The following TCF12 variants were observed in gnomAD, a reference collection of about 807,000 sequenced individuals.
TCF12 encodes the protein transcription factor 12.
Under a neutral mutation model 86.0 loss-of-function variants are expected in TCF12, and 45 were observed. The observed-to-expected ratio is 0.52, with a 90% CI of 0.41 to 0.67. TCF12 has a LOEUF of 0.67. Among genes scored for constraint, TCF12 ranks in the 30% least tolerant of loss-of-function variants. TCF12 has a pLI of 0.00. For missense variants in TCF12, 881 were observed against 859.9 expected, an observed-to-expected ratio of 1.02 and a Z score of -0.31; for synonymous variants, 330 against 299.6, an observed-to-expected ratio of 1.10 and a Z score of -1.05.
chr15:57,249,183 A>G (rs1178885336), intron 13 of TCF12, among the ~76,000 whole-genome samples: 1 of 152,208 alleles, frequency 6.6e-6, no homozygotes, highest in Non-Finnish European at 1.5e-5. Flanking sequence ...CACTGAAATC[A>G]GCAGTAAGGT....
chr15:57,119,918 G>A (rs1433969008), intron 5 of TCF12, among the ~76,000 whole-genome samples: 1 of 152,156 alleles, frequency 6.6e-6, no homozygotes, highest in African/African-American at 2.4e-5. Flanking sequence ...GCTAAATGCA[G>A]GGTATTCAAA....
intron 6 of TCF12, among the ~76,000 whole-genome samples, chr15:57,175,383 T>C (rs2055837495): frequency 6.6e-6 from 1 of 152,072 alleles, no homozygotes; most frequent in African/African-American, 2.4e-5. Context: ...CCTACAACTC[T>C]GTAAGGTTAG....
intron 5 of TCF12, among the ~76,000 whole-genome samples, chr15:57,104,427 T>TTTTTTTTC (rs1321521150): frequency 1.2e-5 from 1 of 83,954 alleles, no homozygotes; most frequent in Non-Finnish European, 2.5e-5. Flanking sequence ...AGAATAAATT[T>TTTTTTTTC]TTTTTTTCTT....
intron 5 of TCF12, among the ~76,000 whole-genome samples, chr15:57,164,454 T>C (rs1403656910): frequency 3.3e-5 from 5 of 152,044 alleles, no homozygotes; most frequent in Non-Finnish European, 5.9e-5. Flanking sequence ...CAAGGAGAAG[T>C]ACCGAGCAAA....
At chr15:56,998,048 C>G (rs984867611) in intron 3 of TCF12, among the ~76,000 whole-genome samples, 2 of 152,056 alleles carry the variant, frequency 1.3e-5, no homozygotes, top group African/African-American at 4.8e-5. Flanking sequence ...ATAGATGAAG[C>G]AAAATCTGAT....
At chr15:56,975,633 T>G (rs74018446) in intron 3 of TCF12, among the ~76,000 whole-genome samples, 7,392 of 139,838 alleles carry the variant, frequency 0.053, 376 homozygotes, top group African/African-American at 0.15. Flanking sequence ...AAACTAGGGG[T>G]TTTTTTTGTT....
At chr15:57,074,083 A>G (rs1304866644) in intron 4 of TCF12, among the ~76,000 whole-genome samples, 3 of 152,064 alleles carry the variant, frequency 2.0e-5, no homozygotes, top group African/African-American at 7.2e-5. Flanking sequence ...CTGCCATCTT[A>G]CTTCTTATAA....
intron 3 of TCF12, among the ~76,000 whole-genome samples, chr15:57,029,932 G>T (rs1384086896): frequency 6.6e-6 from 1 of 152,170 alleles, no homozygotes; most frequent in Admixed American, 6.5e-5. Context: ...TTATTGCTGA[G>T]TGGTGTTACG....
At position 57,091,891 on chromosome 15, in the gene TCF12, G is replaced by A; in HGVS notation, c.325G>A (p.Gly109Arg). Residue 109 changes from glycine to arginine, a missense_variant and splice_region_variant, in exon 5 of 21, where the codon GGA (glycine) becomes AGA (arginine). By Grantham distance (125) the Gly-to-Arg change is moderately radical (BLOSUM62 -2). Around this residue, in one of 3 missense-constraint regions of TCF12, gnomAD observed 766 missense variants for 718.9 expected, o/e 1.07. Coordinates refer to ENST00000333725, the MANE Select transcript of TCF12 (RefSeq NM_207037.2). ...ACCTTTCATGAACTCAAATCTGATG[G>A]GTAAGTTGGTAATTCTCTGCAAGTA... is the stretch of plus-strand genomic sequence containing the variant. ...PTPFMNSNLM[G>R]KTSERGSFSL... The A allele has an allele frequency of 1.2e-6, 2 of 1,611,862 alleles. No individual in the cohort carries two copies. Among genetic ancestry groups the A allele is most frequent in the Non-Finnish European group, 8.5e-7 (1 of 1,178,154 alleles).
intron 3 of TCF12, among the ~76,000 whole-genome samples, chr15:56,933,328 A>G (rs2060327825): frequency 6.6e-6 from 1 of 152,178 alleles, no homozygotes; most frequent in Non-Finnish European, 1.5e-5. Flanking sequence ...AGATTAGTTC[A>G]TTTTGTATTT....
chr15:57,196,383 G>A (rs116765860), intron 7 of TCF12, among the ~76,000 whole-genome samples: 1,757 of 152,262 alleles, frequency 0.012, 31 homozygotes, highest in African/African-American at 0.04. Flanking sequence ...TAAAGGACTT[G>A]AGCATCTGTG....
At chr15:57,163,138 C>T (rs1436420892) in intron 5 of TCF12, among the ~76,000 whole-genome samples, 1 of 151,718 alleles carries the variant, frequency 6.6e-6, no homozygotes, top group Non-Finnish European at 1.5e-5. Flanking sequence ...CATGCCATTG[C>T]ACTCCAGCCT....
At chr15:57,137,181 G>GC (rs1555515085) in intron 5 of TCF12, among the ~76,000 whole-genome samples, 15 of 151,468 alleles carry the variant, frequency 9.9e-5, no homozygotes, top group Non-Finnish European at 1.5e-5. Context: ...CGGTTTCACC[G>GC]CATTAGCCAG....
intron 18 of TCF12, among the ~76,000 whole-genome samples, chr15:57,263,554 A>G (rs2060690037): frequency 1.3e-5 from 2 of 152,218 alleles, no homozygotes; most frequent in African/African-American, 4.8e-5. Context: ...AGTCTGTTAG[A>G]TAAGTAGAAG....
chr15:57,097,898 G>A (rs970995385), intron 5 of TCF12, among the ~76,000 whole-genome samples: 1 of 150,486 alleles, frequency 6.6e-6, no homozygotes. Context: ...GCTCACCCCT[G>A]TAATCCCAGC....
chr15:57,171,786 A>G (rs1264933661), intron 6 of TCF12, among the ~76,000 whole-genome samples: 1 of 152,234 alleles, frequency 6.6e-6, no homozygotes, highest in African/African-American at 2.4e-5. Context: ...TTGATGAAAC[A>G]CAGAGCATAG....
intron 4 of TCF12, among the ~76,000 whole-genome samples, chr15:57,085,266 G>A (rs931426978): frequency 6.6e-6 from 1 of 152,170 alleles, no homozygotes; most frequent in African/African-American, 2.4e-5. Context: ...CTGTAGAAAT[G>A]TATGGACCTG....
chr15:57,009,723 A>T (rs2064703984), intron 3 of TCF12, among the ~76,000 whole-genome samples: 1 of 152,212 alleles, frequency 6.6e-6, no homozygotes, highest in African/African-American at 2.4e-5. Context: ...GACATTTCTT[A>T]ATTTCTCAAC....
intron 3 of TCF12, among the ~76,000 whole-genome samples, chr15:57,014,942 T>A (rs2065065649): frequency 6.6e-6 from 1 of 151,372 alleles, no homozygotes; most frequent in African/African-American, 2.4e-5. Context: ...TTGCAGTGAC[T>A]CTTCCAGATG....
Sources: gnomAD v4.1 joint callset for allele counts (sites outside exome capture counted in the v4.1 genomes callset) on GRCh38, gnomAD v4.1.1 for gene constraint, gnomAD v4.1.1 regional missense constraint, MANE v1.5 for transcripts, NCBI Gene and HGNC (gene_info 2026-07-23, HGNC 2026-07-21) for gene names.